KCTD14: variants seen among roughly 807,000 people sequenced by gnomAD.
KCTD14 encodes BTB/POZ domain-containing protein KCTD14.
Under a neutral mutation model 5.9 loss-of-function variants are expected in KCTD14, and 7 were observed. The observed-to-expected ratio is 1.19, with a 90% CI of 0.68 to 2.23. The LOEUF is 2.23. Among genes scored for constraint, KCTD14 ranks in the 30% most tolerant of loss-of-function variants. KCTD14 has a pLI of 0.00. For missense variants in KCTD14, 342 were observed against 332.2 expected (o/e 1.03, Z -0.23); for synonymous variants, 140 against 133.1 (o/e 1.05, Z -0.36).
At position 78,016,657 on chromosome 11, in the gene KCTD14, G is replaced by A. The variant is rs1297844449; in HGVS notation, c.704C>T (p.Thr235Met). 2 of 1,614,146 alleles carry A rather than the reference G, an allele frequency of 1.2e-6. No individual in the cohort carries two copies. Among genetic ancestry groups the A allele is most frequent in the Non-Finnish European group, 1.7e-6 (2 of 1,179,998 alleles). ...GAATTCGTTTCTTTTGGTGGGGTAC[G>A]TCAGGTAGAACTTGGAGAATACCTT... Reference protein sequence around the residue: ...GYKVFSKFYLTYPTKRNEFHF... With the variant: ...GYKVFSKFYLMYPTKRNEFHF... The change falls in exon 2 of 2, where the codon ACG (threonine) becomes ATG (methionine). Residue 235 changes from threonine (T) to methionine (M), a missense_variant. Coordinates refer to ENST00000353172, the MANE Select transcript of KCTD14 (RefSeq NM_023930.4).
rs1031134387 is a variant in KCTD14, at chr11:78,042,881, G to A, written c.-96+3180C>T. Among the ~76,000 whole-genome samples, 7 of 152,214 alleles carry A rather than the reference G, an allele frequency of 4.6e-5. No homozygotes were observed. The East Asian group carries it at 5.8e-4, about 13-fold the overall frequency. ...AGGGCACAAAAGATTGGTCAGACCC[G>A]GTGTGCCATTTATATAGCTTGCGAA... On this transcript the variant is annotated intron_variant, in intron 1 of 2. Coordinates refer to the KCTD14 transcript ENST00000533144.
upstream of KCTD14, among the ~76,000 whole-genome samples, chr11:78,026,940 A>AGT (rs1857482333): frequency 6.6e-6 from 1 of 151,982 alleles, no homozygotes; most frequent in Non-Finnish European, 1.5e-5. Flanking sequence ...TTCTACTAAA[A>AGT]GTACAAAAAA....
intron 1 of KCTD14, among the ~76,000 whole-genome samples, chr11:78,041,263 G>A (rs1178183699): frequency 6.6e-6 from 1 of 152,108 alleles, no homozygotes; most frequent in Non-Finnish European, 1.5e-5. Context: ...TGTGTGGGTG[G>A]GCTCAGGGCT....
In KCTD14 at chr11:78,016,368, T is replaced by G; in HGVS notation, c.*225A>C. 6.9e-6 allele frequency: 4 copies of G among 580,150 alleles called. No individual in the cohort carries two copies. Among genetic ancestry groups the G allele is most frequent in the East Asian group, 2.9e-5 (1 of 34,842 alleles). 35.9% of individuals were successfully genotyped at this position (580,150 alleles called of 1,614,324 possible). A position where few individuals can be genotyped will look rare whatever the true frequency, so the allele number is the denominator to read the frequency against. On this transcript the variant is annotated 3_prime_UTR_variant, in exon 2 of 2. Transcript: ENST00000353172. ...TCAAGAGAAGGGTCTGGGAGATACA[T>G]GAGGCTTTGAAAAGGAAGTAGCTGC...
At chr11:78,028,596 C>A (rs1857530933) in intron 2 of KCTD14, among the ~76,000 whole-genome samples, 1 of 129,786 alleles carries the variant, frequency 7.7e-6, no homozygotes. Context: ...GAGCAAGTGT[C>A]CATCTCAAAA....
intron 1 of KCTD14, among the ~76,000 whole-genome samples, chr11:78,022,596 A>G (rs775388258): frequency 6.6e-6 from 1 of 152,092 alleles, no homozygotes; most frequent in East Asian, 1.9e-4. Flanking sequence ...CTGCTCCCAG[A>G]GTGCACGCAG....
intron 2 of KCTD14, among the ~76,000 whole-genome samples, chr11:78,034,269 C>T (rs926546197): frequency 6.6e-6 from 1 of 152,136 alleles, no homozygotes; most frequent in Non-Finnish European, 1.5e-5. Context: ...ACTACAGGTG[C>T]ATAGCACCAT....
chr11:78,027,222 G>C (rs140123534), upstream of KCTD14, among the ~76,000 whole-genome samples: 565 of 152,226 alleles, frequency 3.7e-3, 5 homozygotes, highest in African/African-American at 0.013. Flanking sequence ...GGGCTTCCAG[G>C]TCATAAGCAG....
At chr11:78,020,828 C>A (rs183959246) in intron 1 of KCTD14, among the ~76,000 whole-genome samples, 3 of 152,186 alleles carry the variant, frequency 2.0e-5, no homozygotes, top group Non-Finnish European at 2.9e-5. Flanking sequence ...ATCCTGCCCC[C>A]CTACTGCCAA....
At chr11:78,028,641 A>G (rs528333322) in intron 2 of KCTD14, among the ~76,000 whole-genome samples, 39 of 151,548 alleles carry the variant, frequency 2.6e-4, no homozygotes, top group African/African-American at 7.0e-4. Flanking sequence ...GGGACGTGAC[A>G]AGTATATTGT....
At position 78,017,036 on chromosome 11, in the gene KCTD14, C is replaced by A. The variant is rs1014155170; in HGVS notation, c.325G>T (p.Glu109Ter). ...PTQHIPEVYR[E>*]AQFYEIKPLV... ...GGCTTGATTTCGTAGAACTGAGCCT[C>A]ACGGTACACTTCAGGGATGTGCTGT... Residue 109 changes from glutamate to a stop codon, truncating the protein, a stop_gained, in exon 2 of 2, where the codon GAG (glutamate) becomes TAG (stop). Transcript: ENST00000353172. LOFTEE classifies it low-confidence loss of function (END_TRUNC). 1.2e-6 allele frequency: 2 copies of A among 1,614,136 alleles called. No homozygotes were observed. The highest frequency in any genetic ancestry group is 1.7e-5 in the Admixed American group (1 of 60,002).
At chr11:78,028,205 G>C (rs1168496250), upstream of KCTD14, among the ~76,000 whole-genome samples, 1 of 152,142 alleles carries the variant, frequency 6.6e-6, no homozygotes, top group Admixed American at 6.6e-5. Context: ...AAAAACATCA[G>C]AGAAATTTCA....
intron 2 of KCTD14, among the ~76,000 whole-genome samples, chr11:78,032,813 A>T (rs763528616): frequency 1.6e-4 from 24 of 146,582 alleles, no homozygotes; most frequent in Non-Finnish European, 2.2e-4. Context: ...CAACCATGTC[A>T]CCCCCAACAG....
chr11:78,019,509 G>T (rs1468486238), intron 1 of KCTD14, among the ~76,000 whole-genome samples: 1 of 151,964 alleles, frequency 6.6e-6, no homozygotes, highest in African/African-American at 2.4e-5. Context: ...TTAGAGACGG[G>T]TCTTACTATG....
At chr11:78,026,600 G>A (rs1857472181), upstream of KCTD14, among the ~76,000 whole-genome samples, 7 of 151,656 alleles carry the variant, frequency 4.6e-5, no homozygotes, top group Admixed American at 4.6e-4. Flanking sequence ...GAGTCCCCAT[G>A]TCTACAAAAA....
At chr11:78,019,780 G>A (rs1031805416) in intron 1 of KCTD14, among the ~76,000 whole-genome samples, 4 of 152,206 alleles carry the variant, frequency 2.6e-5, no homozygotes, top group African/African-American at 9.6e-5. Flanking sequence ...GTTAAGTTTG[G>A]TTGTTCAACA....
chr11:78,043,168 C>T (rs900393628), intron 1 of KCTD14, among the ~76,000 whole-genome samples: 3 of 152,220 alleles, frequency 2.0e-5, no homozygotes, highest in Non-Finnish European at 2.9e-5. Context: ...CTTTTAAATG[C>T]ACACACCCTA....
intron 2 of KCTD14, among the ~76,000 whole-genome samples, chr11:78,030,881 A>G (rs731639): frequency 0.19 from 29,432 of 151,750 alleles, 2,842 homozygotes; most frequent in Middle Eastern, 0.25. Flanking sequence ...ACCCCTGCCA[A>G]CCCACAAGGA....
intron 1 of KCTD14, among the ~76,000 whole-genome samples, chr11:78,040,496 T>C (rs974555676): frequency 3.0e-4 from 45 of 151,962 alleles, no homozygotes; most frequent in African/African-American, 1.1e-3. Flanking sequence ...GCCTTCTTTC[T>C]GCACCTTTTA....
Sources: gnomAD v4.1 joint callset for allele counts (sites outside exome capture counted in the v4.1 genomes callset) on GRCh38, gnomAD v4.1.1 for gene constraint, MANE v1.5 for transcripts, NCBI Gene and HGNC (gene_info 2026-07-23, HGNC 2026-07-21) for gene names.